OR6B1: variants seen among roughly 807,000 people sequenced by gnomAD.
The protein encoded by OR6B1 is olfactory receptor family 6 subfamily B member 1, also known as olfactory receptor 6B1.
In OR6B1, 15 loss-of-function variants were observed where a neutral mutation model predicts 15.4. The ratio of observed to expected loss-of-function variants is 0.97; its 90% CI spans 0.65 to 1.50. The LOEUF (loss-of-function observed/expected upper bound fraction) is 1.50. Among genes scored for constraint, OR6B1 ranks in the 40% most tolerant of loss-of-function variants. The pLI is 0.00. For synonymous variants in OR6B1, 139 were observed against 144.9 expected (o/e 0.96, Z 0.29); for missense variants, 384 against 385.0 (o/e 1.00, Z 0.02).
chr7:144,004,798 A>G lies in OR6B1; in HGVS notation c.802A>G (p.Met268Val). Residue 268 changes from methionine to valine, a missense_variant, in exon 2 of 2, where the codon ATG becomes GTG. Physicochemically the swap from Met to Val is conservative, Grantham distance 21 (BLOSUM62 1). Transcript: ENST00000641698. The stretch of plus-strand genomic sequence containing the variant: ...ACCTCGAGTTATCCATGCCTTCAAC[A>G]TGAACAAAATTATTTCCATCTTCTA... ...ARPRVIHAFN[M>V]NKIISIFYAI... The G allele has an allele frequency of 6.2e-7, 1 of 1,614,026 alleles. No individual in the cohort carries two copies. The highest frequency in any genetic ancestry group is 8.5e-7 in the Non-Finnish European group (1 of 1,179,986).
Position 144,007,817 on chromosome 7 carries a change from A to G in OR6B1, c.*2885A>G, listed in dbSNP as rs781429811. ...TTGGGAACTTATTTGAAAAAAAAAG[A>G]GTCTTTGAAATATAATAAAGTTAAG... On this transcript the variant is annotated 3_prime_UTR_variant, in exon 2 of 2. Transcript: ENST00000641698. 1 of 152,150 alleles carries G rather than the reference A, an allele frequency of 6.6e-6. No individual in the cohort carries two copies. Among genetic ancestry groups the G allele is most frequent in the African/African-American group, 2.4e-5 (1 of 41,428 alleles). The allele number at this position is 152,150 out of a possible 1,614,324, so 9.4% of individuals were successfully genotyped here. A position where few individuals can be genotyped will look rare whatever the true frequency, so the allele number is the denominator to read the frequency against.
intron 1 of OR6B1, among the ~76,000 whole-genome samples, chr7:144,001,873 A>C (rs1287115536): frequency 8.4e-6 from 1 of 118,738 alleles, no homozygotes; most frequent in East Asian, 2.9e-4. Flanking sequence ...TTCAAAACAT[A>C]TCCAATCATT....
In OR6B1 at chr7:144,004,934, C is replaced by A; in HGVS notation, c.*2C>A. 6.3e-7 allele frequency: 1 copy of A among 1,579,738 alleles called. No individual in the cohort carries two copies. The highest frequency in any genetic ancestry group is 1.1e-5 in the South Asian group (1 of 87,066). Reference sequence around the variant, plus strand: ...TGCCAGGCCAGCAGATCTGACTAGTCAATTACAGCTGATTAGAAAGAAAGG... The same window carrying A: ...TGCCAGGCCAGCAGATCTGACTAGTAAATTACAGCTGATTAGAAAGAAAGG... On this transcript the variant is annotated 3_prime_UTR_variant, in exon 2 of 2. Coordinates refer to ENST00000641698, the MANE Select transcript of OR6B1 (RefSeq NM_001005281.3).
intron 1 of OR6B1, among the ~76,000 whole-genome samples, 187 bp from the exon 2 acceptor site, chr7:144,003,773 TCACACACACACA>T (rs766413477): frequency 5.0e-5 from 7 of 140,124 alleles, no homozygotes; most frequent in Admixed American, 3.6e-4. Flanking sequence ...ACAGATACAA[TCACACACACACA>T]CACACACACA....
rs748658879 is a variant in OR6B1 at position 144,004,520 on chromosome 7, A to G, written c.524A>G (p.Asn175Ser). The change falls in exon 2 of 2, where the codon AAC (asparagine) becomes AGC (serine). Residue 175 changes from asparagine (N) to serine (S), a missense_variant. Transcript: ENST00000641698. ...AGCTTCTGTGGTCCCAATGTCATCA[A>G]CCACTTCTTCTGTGACATCTCTCCA... ...CLSFCGPNVINHFFCDISPVL... is the reference protein window; with the variant it reads ...CLSFCGPNVISHFFCDISPVL... The G allele has an allele frequency of 2.9e-5, 47 of 1,614,046 alleles. No individual in the cohort carries two copies. The highest frequency in any genetic ancestry group is 4.4e-5 in the South Asian group (4 of 91,074).
At chr7:144,003,339 GA>G (rs1166650869) in intron 1 of OR6B1, among the ~76,000 whole-genome samples, 1 of 152,216 alleles carries the variant, frequency 6.6e-6, no homozygotes, top group Non-Finnish European at 1.5e-5. Flanking sequence ...TGACGGAAGA[GA>G]AAACTCAATC....
chr7:144,006,737 T>C lies in OR6B1; in HGVS notation c.*1805T>C, dbSNP rs2050627591. 1 of 152,222 alleles carries C rather than the reference T, an allele frequency of 6.6e-6. No individual in the cohort carries two copies. Among genetic ancestry groups the C allele is most frequent in the Admixed American group, 6.5e-5 (1 of 15,282 alleles). The allele number at this position is 152,222 out of a possible 1,614,324, so 9.4% of individuals were successfully genotyped here. ...TAGGAAATGAAAGATAAAAAAACTC[T>C]GGCAATAACTTGAATTTTAGCCCTG... On this transcript the variant is annotated 3_prime_UTR_variant, in exon 2 of 2. Transcript: ENST00000641698.
chr7:144,000,630 A>G lies in OR6B1; in HGVS notation c.-46A>G, dbSNP rs1182684498. ...AGGCTTTGTTTTCACATTTCATCCT[A>G]TCAGAGGCTGCTGTGCCAAGGTAAG... On this transcript the variant is annotated 5_prime_UTR_variant, in exon 1 of 2. Coordinates refer to ENST00000641698, the MANE Select transcript of OR6B1 (RefSeq NM_001005281.3). 6.6e-6 allele frequency: 1 copy of G among 152,598 alleles called. No individual in the cohort carries two copies. Among genetic ancestry groups the G allele is most frequent in the African/African-American group, 2.4e-5 (1 of 41,424 alleles). The allele number at this position is 152,598 out of a possible 1,614,324, so 9.5% of individuals were successfully genotyped here.
chr7:144,005,118 T>C lies in OR6B1; in HGVS notation c.*186T>C. 1.8e-6 allele frequency: 1 copy of C among 558,272 alleles called. No individual in the cohort carries two copies. The highest frequency in any genetic ancestry group is 2.9e-5 in the East Asian group (1 of 34,222). 34.6% of individuals were successfully genotyped at this position (558,272 alleles called of 1,614,324 possible). On this transcript the variant is annotated 3_prime_UTR_variant, in exon 2 of 2. Transcript: ENST00000641698. ...GGTCAGTGCTCTAAGGCCATACACC[T>C]TCTAGAGAGCTAGAGAAAACAGTTC...
chr7:144,003,016 A>G lies in OR6B1; in HGVS notation c.-25-956A>G, dbSNP rs188650032. On this transcript the variant is annotated intron_variant, in intron 1 of 1. Transcript: ENST00000641698. ...GTTAACCTTCATAGAAAATATTTCA[A>G]ATTTTATAATGCATCTCTATCTTTG... is the stretch of plus-strand genomic sequence containing the variant. Among the ~76,000 whole-genome samples the G allele has an allele frequency of 1.2e-3, 182 of 152,270 alleles. 5 individuals carry two copies. The highest frequency in any genetic ancestry group is 1.4e-3 in the Non-Finnish European group (95 of 68,032).
At chr7:144,001,115 A>G (rs942947794) in intron 1 of OR6B1, among the ~76,000 whole-genome samples, 3 of 152,226 alleles carry the variant, frequency 2.0e-5, no homozygotes, top group African/African-American at 7.2e-5. Flanking sequence ...AAGTTGGGGA[A>G]AAGTGCATAG....
At chr7:144,003,026 T>C (rs1361223658) in intron 1 of OR6B1, among the ~76,000 whole-genome samples, 1 of 152,196 alleles carries the variant, frequency 6.6e-6, no homozygotes, top group African/African-American at 2.4e-5. Flanking sequence ...AATTTTATAA[T>C]GCATCTCTAT....
At chr7:144,001,636 T>C (rs1394766409) in intron 1 of OR6B1, among the ~76,000 whole-genome samples, 1 of 152,226 alleles carries the variant, frequency 6.6e-6, no homozygotes, top group Non-Finnish European at 1.5e-5. Flanking sequence ...TACTTCAGGA[T>C]AATTCTTAAA....
rs150220816 is a variant in OR6B1 at position 144,008,349 on chromosome 7, A to C, written c.*3417A>C. The C allele has an allele frequency of 6.6e-6, 1 of 152,292 alleles. No individual in the cohort carries two copies. The highest frequency in any genetic ancestry group is 1.5e-5 in the Non-Finnish European group (1 of 68,112). The allele number at this position is 152,292 out of a possible 1,614,324, so 9.4% of individuals were successfully genotyped here. ...TGGAGAAGCTGTGAGAGTAAGATAT[A>C]TGGCTACTTTGGCAAAGAACATTCC... On this transcript the variant is annotated 3_prime_UTR_variant, in exon 2 of 2. Coordinates refer to ENST00000641698, the MANE Select transcript of OR6B1 (RefSeq NM_001005281.3).
At position 144,004,047 on chromosome 7, in the gene OR6B1, C is replaced by T. The variant is rs368578951; in HGVS notation, c.51C>T (p.Phe17=). ...TRVTKFILVG[F]PGSLSMRAAM... ...TCACCAAGTTCATTCTGGTGGGATT[C>T]CCTGGGAGCTTGAGTATGCGGGCAG... is the stretch of plus-strand genomic sequence containing the variant. Residue 17 remains phenylalanine, a synonymous_variant, in exon 2 of 2, where the codon TTC becomes TTT. Transcript: ENST00000641698. The T allele has an allele frequency of 1.7e-5, 28 of 1,613,862 alleles. No individual in the cohort carries two copies. The African/African-American group carries it at 3.1e-4, about 18-fold the overall frequency.
chr7:144,004,907 A>G lies in OR6B1; in HGVS notation c.911A>G (p.Tyr304Cys). The part of the protein sequence containing the change: ...EVKEALKKLA[Y>C]CQASRSD ...AAGGAAGCTCTGAAGAAACTGGCAT[A>G]TTGCCAGGCCAGCAGATCTGACTAG... Residue 304 changes from tyrosine (Y) to cysteine (C), a missense_variant, in exon 2 of 2, where the codon TAT (tyrosine) becomes TGT (cysteine). By Grantham distance (194) the Tyr-to-Cys change is radical (BLOSUM62 -2). Transcript: ENST00000641698. The G allele has an allele frequency of 6.2e-7, 1 of 1,605,732 alleles. No individual in the cohort carries two copies. Among genetic ancestry groups the G allele is most frequent in the African/African-American group, 1.3e-5 (1 of 74,942 alleles).
Position 144,004,287 on chromosome 7 carries a change from T to C in OR6B1, c.291T>C (p.Cys97=). Residue 97 remains cysteine, a synonymous_variant, in exon 2 of 2, where the codon TGT becomes TGC. Coordinates refer to ENST00000641698, the MANE Select transcript of OR6B1 (RefSeq NM_001005281.3). ...ACAACAGCATCTCTTTCACACTCTGTATGATACAACTGTACTTCTTCATTG... is the reference window on the plus strand; with the variant it reads ...ACAACAGCATCTCTTTCACACTCTGCATGATACAACTGTACTTCTTCATTG... ...SVNNSISFTL[C]MIQLYFFIAL... 1.2e-6 allele frequency: 2 copies of C among 1,614,258 alleles called. No individual in the cohort carries two copies. Among genetic ancestry groups the C allele is most frequent in the Non-Finnish European group, 1.7e-6 (2 of 1,180,042 alleles).
chr7:144,003,738 A>G (rs966019239), intron 1 of OR6B1, among the ~76,000 whole-genome samples: 1 of 149,916 alleles, frequency 6.7e-6, no homozygotes, highest in African/African-American at 2.5e-5. Flanking sequence ...ATTCCTCTCC[A>G]AGACACGATT....
rs1045322983 is a variant in OR6B1, at chr7:144,000,498, G to T, written c.-178G>T. On this transcript the variant is annotated 5_prime_UTR_variant, in exon 1 of 2. Transcript: ENST00000641698. ...CTGGCTTTCAGCTTGAAAGCAGTGG[G>T]GCAATCTGTACCCAGTCACTCTTTC... 1 of 152,544 alleles carries T rather than the reference G, an allele frequency of 6.6e-6. No homozygotes were observed. Among genetic ancestry groups the T allele is most frequent in the East Asian group, 1.9e-4 (1 of 5,188 alleles). The allele number at this position is 152,544 out of a possible 1,614,324, so 9.4% of individuals were successfully genotyped here. A position where few individuals can be genotyped will look rare whatever the true frequency, so the allele number is the denominator to read the frequency against.
Sources: allele counts gnomAD v4.1 joint callset (sites outside exome capture counted in the v4.1 genomes callset), GRCh38; gene constraint gnomAD v4.1.1; transcripts MANE v1.5; gene names NCBI Gene and HGNC (gene_info 2026-07-23, HGNC 2026-07-21).